The following PLSCR4 variants were observed in gnomAD, a reference collection of about 807,000 sequenced individuals.
The protein encoded by PLSCR4 is Ca(2+)-dependent phospholipid scramblase 4.
In PLSCR4, 25 loss-of-function variants were observed where a neutral mutation model predicts 36.3. The observed-to-expected ratio is 0.69, with a 90% CI of 0.50 to 0.96. The LOEUF (loss-of-function observed/expected upper bound fraction) is 0.96. Ranked by LOEUF, PLSCR4 falls within the 40% of genes least tolerant of loss-of-function variation. PLSCR4 has a pLI of 0.00. For synonymous variants in PLSCR4, 122 were observed against 132.9 expected, an observed-to-expected ratio of 0.92 and a Z score of 0.56; for missense variants, 408 against 414.7, an observed-to-expected ratio of 0.98 and a Z score of 0.14.
At chr3:146,208,859 CT>C (rs2034478847) in intron 3 of PLSCR4, among the ~76,000 whole-genome samples, 1 of 152,036 alleles carries the variant, frequency 6.6e-6, no homozygotes, top group Non-Finnish European at 1.5e-5. Flanking sequence ...GTGGAGATTC[CT>C]TAAAGAACTA....
intron 1 of PLSCR4, among the ~76,000 whole-genome samples, chr3:146,236,769 A>C (rs955822192): frequency 2.7e-4 from 41 of 151,846 alleles, no homozygotes; most frequent in African/African-American, 9.7e-4. Flanking sequence ...GCAGCGTGAA[A>C]ATGGACTAAT....
intron 3 of PLSCR4, among the ~76,000 whole-genome samples, chr3:146,209,804 C>A (rs983847692): frequency 6.6e-6 from 1 of 152,018 alleles, no homozygotes; most frequent in Non-Finnish European, 1.5e-5. Flanking sequence ...AGTAGTAGAG[C>A]CACAAGCAGC....
chr3:146,215,942 C>T (rs1360273333), intron 3 of PLSCR4, among the ~76,000 whole-genome samples: 1 of 152,160 alleles, frequency 6.6e-6, no homozygotes, highest in African/African-American at 2.4e-5. Context: ...AAAATGCAGA[C>T]AGTCCCGGCT....
chr3:146,213,796 T>A (rs1401930006), intron 3 of PLSCR4, among the ~76,000 whole-genome samples: 1 of 152,220 alleles, frequency 6.6e-6, no homozygotes, highest in Non-Finnish European at 1.5e-5. Flanking sequence ...AGGTTTCCTA[T>A]TAGCATACAA....
At chr3:146,206,922 C>T (rs559486997) in intron 3 of PLSCR4, among the ~76,000 whole-genome samples, 161 bp from the exon 4 acceptor site, 62 of 152,154 alleles carry the variant, frequency 4.1e-4, no homozygotes, top group African/African-American at 1.4e-3. Context: ...TATGACCCAA[C>T]GATGTATTAG....
chr3:146,241,573 G>A (rs2036151343), intron 1 of PLSCR4, among the ~76,000 whole-genome samples: 1 of 152,108 alleles, frequency 6.6e-6, no homozygotes, highest in South Asian at 2.1e-4. Flanking sequence ...CACAGTTACA[G>A]TTGAGGACTT....
At chr3:146,248,695 A>C (rs972781073) in intron 1 of PLSCR4, among the ~76,000 whole-genome samples, 3 of 152,182 alleles carry the variant, frequency 2.0e-5, no homozygotes, top group African/African-American at 7.2e-5. Flanking sequence ...CATTGTAAAC[A>C]ATCCTACTTT....
chr3:146,195,888 G>A (rs540181646), intron 7 of PLSCR4, among the ~76,000 whole-genome samples: 7 of 152,184 alleles, frequency 4.6e-5, no homozygotes, highest in South Asian at 2.1e-4. Flanking sequence ...AATGCTTAAC[G>A]ATACAGTAAT....
At chr3:146,243,589 T>C (rs2036238048) in intron 1 of PLSCR4, among the ~76,000 whole-genome samples, 1 of 152,178 alleles carries the variant, frequency 6.6e-6, no homozygotes, top group African/African-American at 2.4e-5. Context: ...AAGTGAAAGA[T>C]GATGAGGACA....
At chr3:146,248,435 A>G (rs1295577660) in intron 1 of PLSCR4, among the ~76,000 whole-genome samples, 1 of 152,160 alleles carries the variant, frequency 6.6e-6, no homozygotes, top group Non-Finnish European at 1.5e-5. Context: ...AATATAATTC[A>G]GCCTATATTC....
chr3:146,243,850 A>G (rs1466562267), intron 1 of PLSCR4, among the ~76,000 whole-genome samples: 3 of 152,128 alleles, frequency 2.0e-5, no homozygotes, highest in African/African-American at 4.8e-5. Flanking sequence ...GCTACTTCTG[A>G]TATTTCTTCT....
chr3:146,237,526 T>C (rs546780389), intron 1 of PLSCR4, among the ~76,000 whole-genome samples: 1 of 152,048 alleles, frequency 6.6e-6, no homozygotes, highest in Non-Finnish European at 1.5e-5. Flanking sequence ...TCATATAAAA[T>C]ATTATCTGAA....
At chr3:146,216,507 G>A (rs61207913) in intron 3 of PLSCR4, among the ~76,000 whole-genome samples, 49,299 of 151,844 alleles carry the variant, frequency 0.32, 8,670 homozygotes, top group South Asian at 0.45. Flanking sequence ...CTCTAACAAC[G>A]TTACAAGTAC....
chr3:146,228,922 A>G (rs73865365), intron 1 of PLSCR4, among the ~76,000 whole-genome samples: 1,675 of 152,278 alleles, frequency 0.011, 32 homozygotes, highest in African/African-American at 0.038. Flanking sequence ...ACCCTCTAAT[A>G]TATCACAAGT....
intron 4 of PLSCR4, among the ~76,000 whole-genome samples, chr3:146,205,213 A>C (rs2034258019): frequency 6.6e-6 from 1 of 151,964 alleles, no homozygotes; most frequent in African/African-American, 2.4e-5. Flanking sequence ...GTTCTATGGA[A>C]TCTCCAATAA....
intron 1 of PLSCR4, 39 bp from the exon 2 acceptor site, chr3:146,222,131 C>T: frequency 1.3e-6 from 1 of 771,460 alleles, no homozygotes; most frequent in Non-Finnish European, 2.0e-6. Flanking sequence ...AAAATACATA[C>T]ATAATAAATA....
intron 1 of PLSCR4, among the ~76,000 whole-genome samples, chr3:146,245,042 G>C (rs1576502031): frequency 6.6e-6 from 1 of 152,042 alleles, no homozygotes; most frequent in Non-Finnish European, 1.5e-5. Context: ...ATTTTGCGTG[G>C]TTCAAGACTT....
In PLSCR4 at chr3:146,214,429, C is replaced by CT. The variant is rs1263224167; in HGVS notation, c.118+6385dup. The stretch of plus-strand genomic sequence containing the variant: ...TGAGCCACCGCGCCCGGCCCTCTTC[C>CT]TTTTTTTTTAATGGAGGTGTTTATA... On this transcript the variant is annotated intron_variant, in intron 3 of 8. Transcript: ENST00000354952. 5.5e-5 allele frequency among the ~76,000 whole-genome samples: 8 copies of CT among 145,386 alleles called. 2 individuals are homozygous for CT. The highest frequency in any genetic ancestry group is 1.4e-4 in the Admixed American group (2 of 14,598).
intron 1 of PLSCR4, among the ~76,000 whole-genome samples, chr3:146,235,436 C>T (rs1266444767): frequency 6.6e-6 from 1 of 152,088 alleles, no homozygotes; most frequent in Admixed American, 6.5e-5. Flanking sequence ...TGAGGCCTCC[C>T]CAGAAGACAA....
Sources: gnomAD v4.1 joint callset for allele counts (sites outside exome capture counted in the v4.1 genomes callset) on GRCh38, gnomAD v4.1.1 for gene constraint, MANE v1.5 for transcripts, NCBI Gene and HGNC (gene_info 2026-07-23, HGNC 2026-07-21) for gene names.